Variants in PIEZO1 observed in about 807,000 individuals in gnomAD.
PIEZO1 encodes piezo-type mechanosensitive ion channel component 1.
A neutral mutation model predicts 297.2 loss-of-function variants in PIEZO1; 296 were observed. The ratio of observed to expected loss-of-function variants is 1.00; its 90% CI spans 0.91 to 1.10. The LOEUF (loss-of-function observed/expected upper bound fraction) is 1.10, where lower values mean the gene tolerates loss of function less well. PIEZO1 is among the 50% of genes least tolerant of loss of function. PIEZO1 has a pLI of 0.00. For synonymous variants in PIEZO1, 2,427 were observed against 1,507.5 expected (o/e 1.61, Z -14.13); for missense variants, 5,018 against 3,455.5 (o/e 1.45, Z -11.34).
In PIEZO1 at chr16:88,716,590, T is replaced by C. The variant is rs1321361590; in HGVS notation, c.6895A>G (p.Ile2299Val). The stretch of plus-strand genomic sequence containing the variant: ...AAGTTCCAGGTGAAGCGCAGGGTGA[T>C]GTCGGCCGTGCCGTTGTAGAGCTCC... ...KRELYNGTAD[I>V]TLRFTWNFQR... The change falls in exon 47 of 51, where the codon ATC becomes GTC. Residue 2299 changes from isoleucine to valine, a missense_variant. By Grantham distance (29) the Ile-to-Val change is conservative (BLOSUM62 3). Coordinates refer to ENST00000301015, the MANE Select transcript of PIEZO1 (RefSeq NM_001142864.4). 5.2e-6 allele frequency: 8 copies of C among 1,547,712 alleles called. No homozygotes were observed. Among genetic ancestry groups the C allele is most frequent in the South Asian group, 2.4e-5 (2 of 83,732 alleles).
intron 1 of PIEZO1, among the ~76,000 whole-genome samples, chr16:88,757,327 T>TGGGGGGGGGGGGGGGGG (rs200851830): frequency 1.6e-4 from 7 of 42,690 alleles, no homozygotes; most frequent in East Asian, 9.6e-4. Flanking sequence ...GGCGGGGGGG[T>TGGGGGGGGGGGGGGGGG]GGGGGGTAGT....
chr16:88,747,614 G>A (rs1387366592), intron 2 of PIEZO1, among the ~76,000 whole-genome samples: 4 of 152,216 alleles, frequency 2.6e-5, no homozygotes, highest in Non-Finnish European at 5.9e-5. Flanking sequence ...AGGCCGGAGA[G>A]CGACCTTCCA....
chr16:88,771,410 G>T (rs1907420003), intron 1 of PIEZO1, among the ~76,000 whole-genome samples: 1 of 152,186 alleles, frequency 6.6e-6, no homozygotes, highest in Non-Finnish European at 1.5e-5. Flanking sequence ...GGCCAGGCGG[G>T]GCTCCCATCC....
At chr16:88,746,491 C>T (rs1369654680) in intron 2 of PIEZO1, among the ~76,000 whole-genome samples, 1 of 151,790 alleles carries the variant, frequency 6.6e-6, no homozygotes, top group Non-Finnish European at 1.5e-5. Flanking sequence ...CCTCCCTGTT[C>T]AGTCTGAGCT....
intron 2 of PIEZO1, among the ~76,000 whole-genome samples, chr16:88,748,437 C>T (rs1906182089): frequency 1.8e-5 from 1 of 55,878 alleles, no homozygotes; most frequent in Admixed American, 2.0e-4. Context: ...GAGAGCAACA[C>T]AGTCCTGGCC....
In PIEZO1 at chr16:88,734,022, C is replaced by G. The variant is rs777763377; in HGVS notation, c.2213G>C (p.Arg738Pro). ...CTGCTGATGCTCCTGCTGCTCCTCCCGCAGCAGTGGGGTCCCACTCACTGC... is the reference window on the plus strand; with the variant it reads ...CTGCTGATGCTCCTGCTGCTCCTCCGGCAGCAGTGGGGTCCCACTCACTGC... Reference protein sequence around the residue: ...QDAVSGTPLLREEQQEHQQQQ... With the variant: ...QDAVSGTPLLPEEQQEHQQQQ... The change falls in exon 17 of 51, where the codon CGG (arginine) becomes CCG (proline). Residue 738 changes from arginine (R) to proline (P), a missense_variant. Transcript: ENST00000301015. The G allele has an allele frequency of 3.5e-5, 54 of 1,544,568 alleles. No homozygotes were observed. Among genetic ancestry groups the G allele is most frequent in the Non-Finnish European group, 1.7e-6 (2 of 1,143,334 alleles).
chr16:88,721,712 G>A lies in PIEZO1; in HGVS notation c.5229C>T (p.Val1743=). ...AIVFTEIAVV[V]KYLFQFGFFP... ...AGAACCCAAACTGGAACAGGTACTTGACGACCACCGCGATCTGTGGGGGAG... is the reference window on the plus strand; with the variant it reads ...AGAACCCAAACTGGAACAGGTACTTAACGACCACCGCGATCTGTGGGGGAG... Residue 1743 remains valine, a synonymous_variant, in exon 38 of 51, where the codon GTC becomes GTT. Transcript: ENST00000301015. 1 of 1,544,392 alleles carries A rather than the reference G, an allele frequency of 6.5e-7. No individual in the cohort carries two copies.
intron 2 of PIEZO1, among the ~76,000 whole-genome samples, chr16:88,748,493 C>CTG (rs1906187475): frequency 7.9e-6 from 1 of 126,878 alleles, no homozygotes; most frequent in Non-Finnish European, 1.9e-5. Context: ...TCAGCTCCCC[C>CTG]CCCCCCCCGC....
chr16:88,763,878 C>G (rs906464769), intron 1 of PIEZO1, among the ~76,000 whole-genome samples: 5 of 152,180 alleles, frequency 3.3e-5, no homozygotes, highest in Non-Finnish European at 7.4e-5. Flanking sequence ...GGCAGCTCTC[C>G]GGGCTCTGTG....
intron 1 of PIEZO1, among the ~76,000 whole-genome samples, chr16:88,776,855 C>G (rs564802739): frequency 6.6e-6 from 1 of 152,304 alleles, no homozygotes; most frequent in African/African-American, 2.4e-5. Flanking sequence ...TGCTGTCTGT[C>G]CCAAGAGGGG....
intron 1 of PIEZO1, among the ~76,000 whole-genome samples, chr16:88,755,095 G>A (rs762413448): frequency 6.6e-5 from 10 of 152,208 alleles, no homozygotes; most frequent in Non-Finnish European, 1.3e-4. Flanking sequence ...GCAGGCACGG[G>A]GCTGGGTGAT....
rs891787499 is a variant in PIEZO1 at position 88,749,897 on chromosome 16, G to A, written c.65-418C>T. On this transcript the variant is annotated intron_variant, in intron 1 of 50. Transcript: ENST00000301015. ...ACAAAAATTAGCCGGGCATGGTGGC[G>A]GGCACCTGTAATCCCAGCTACTCGG... Among the ~76,000 whole-genome samples, 16 of 151,890 alleles carry A rather than the reference G, an allele frequency of 1.1e-4. 1 individual carries two copies. The highest frequency in any genetic ancestry group is 5.2e-4 in the Admixed American group (8 of 15,264).
chr16:88,718,072 A>C (rs888164420), intron 44 of PIEZO1: 1 of 248,146 alleles, frequency 4.0e-6, no homozygotes, highest in African/African-American at 2.3e-5. Flanking sequence ...TCCTATCTCA[A>C]AAGCCCAACT....
chr16:88,732,520 G>A lies in PIEZO1; in HGVS notation c.2806C>T (p.Leu936=). The part of the protein sequence containing the change: ...LGYIQNHLQV[L]LLLVFEAIVY... ...ATGGCCTCGAATACCAGCAGCAGCA[G>A]CACTTGCAGGTGGTTCTGCGGAGGG... The change falls in exon 21 of 51, where the codon CTG becomes TTG. Residue 936 remains leucine, a synonymous_variant. Coordinates refer to ENST00000301015, the MANE Select transcript of PIEZO1 (RefSeq NM_001142864.4). 1.3e-6 allele frequency: 2 copies of A among 1,547,082 alleles called. No individual in the cohort carries two copies. Among genetic ancestry groups the A allele is most frequent in the Non-Finnish European group, 8.7e-7 (1 of 1,144,408 alleles).
chr16:88,768,274 G>C (rs532757219), intron 1 of PIEZO1, among the ~76,000 whole-genome samples: 2 of 152,306 alleles, frequency 1.3e-5, no homozygotes, highest in East Asian at 3.9e-4. Context: ...TGGACCTTAT[G>C]GCAGGGTGTC....
rs1346083453 is a variant in PIEZO1 at position 88,716,886 on chromosome 16, T to C, written c.6673A>G (p.Met2225Val). 4 of 1,549,870 alleles carry C rather than the reference T, an allele frequency of 2.6e-6. No individual in the cohort carries two copies. The South Asian group carries it at 4.8e-5, about 18-fold the overall frequency. ...ATGATGGACGGCTGCTGGGCGCTCA[T>C]GGTGAACAGCGGCTGGGGCAGGCAC... ...KLGGYEPLFTMSAQQPSIIPF... is the reference protein window; with the variant it reads ...KLGGYEPLFTVSAQQPSIIPF... The change falls in exon 46 of 51, where the codon ATG becomes GTG. Residue 2225 changes from methionine (M) to valine (V), a missense_variant. Met to Val is a conservative substitution (Grantham distance 21). Coordinates refer to ENST00000301015, the MANE Select transcript of PIEZO1 (RefSeq NM_001142864.4).
In PIEZO1 at chr16:88,732,671, C is replaced by CCCCGGTACA; in HGVS notation, c.2717_2725dup (p.Arg908_Gly909insValTyrArg). On this transcript the variant is annotated inframe_insertion, in exon 20 of 51. Coordinates refer to ENST00000301015, the MANE Select transcript of PIEZO1 (RefSeq NM_001142864.4). ...AAACCAGTTGGCAGGGTCCACGGGC[C>CCCCGGTACA]CCCGGTACAGCAGGGACTGGCTGAT... 3 of 1,549,674 alleles carry CCCCGGTACA rather than the reference C, an allele frequency of 1.9e-6. No individual in the cohort carries two copies. Among genetic ancestry groups the CCCCGGTACA allele is most frequent in the Non-Finnish European group, 2.6e-6 (3 of 1,146,514 alleles).
Position 88,733,720 on chromosome 16 carries a change from A to G in PIEZO1, c.2355T>C (p.Ala785=), listed in dbSNP as rs367986919. 36 of 1,547,682 alleles carry G rather than the reference A, an allele frequency of 2.3e-5. No homozygotes were observed. The South Asian group carries it at 4.2e-4, about 18-fold the overall frequency. ...CGGCTGCCAGCTCCAGCAGCCGCTC[A>G]GCCACCAGGCCCCACTTGGCTGCCC... is the stretch of plus-strand genomic sequence containing the variant. ...PEGAAKWGLV[A]ERLLELAAGF... Residue 785 remains alanine (A), a synonymous_variant, in exon 18 of 51, where the codon GCT becomes GCC. Transcript: ENST00000301015.
chr16:88,765,865 G>A (rs1223075085), intron 1 of PIEZO1, among the ~76,000 whole-genome samples: 2 of 152,000 alleles, frequency 1.3e-5, no homozygotes, highest in Non-Finnish European at 2.9e-5. Flanking sequence ...GTAGAGATGG[G>A]GTTTCACCAT....
Sources: allele counts gnomAD v4.1 joint callset (sites outside exome capture counted in the v4.1 genomes callset), GRCh38; gene constraint gnomAD v4.1.1; transcripts MANE v1.5; gene names NCBI Gene and HGNC (gene_info 2026-07-23, HGNC 2026-07-21).